GHR: variants seen among roughly 807,000 people sequenced by gnomAD.
GHR encodes the protein GH receptor.
Under a neutral mutation model 67.1 loss-of-function variants are expected in GHR, and 35 were observed. The observed-to-expected ratio is 0.52, with a 90% CI of 0.40 to 0.69. GHR has a LOEUF of 0.69. GHR is among the 30% of genes least tolerant of loss of function. GHR has a pLI of 0.00. For missense variants in GHR, 792 were observed against 764.6 expected (o/e 1.04, Z -0.42); for synonymous variants, 272 against 269.1 (o/e 1.01, Z -0.10).
intron 1 of GHR, among the ~76,000 whole-genome samples, chr5:42,476,924 C>T (rs1349161477): frequency 6.6e-6 from 1 of 152,092 alleles, no homozygotes; most frequent in South Asian, 2.1e-4. Context: ...TGTACATGTG[C>T]ACAACGTGCA....
chr5:42,618,423 A>C (rs1159800315), intron 2 of GHR, among the ~76,000 whole-genome samples: 1 of 152,166 alleles, frequency 6.6e-6, no homozygotes, highest in Non-Finnish European at 1.5e-5. Flanking sequence ...TAATTAATTT[A>C]AAAAGAGATT....
chr5:42,450,712 G>C (rs533051148), intron 1 of GHR, among the ~76,000 whole-genome samples: 1 of 151,750 alleles, frequency 6.6e-6, no homozygotes, highest in Non-Finnish European at 1.5e-5. Flanking sequence ...AGTTCCTTGA[G>C]GTGTGACCTT....
At chr5:42,657,775 A>G (rs758128370) in intron 3 of GHR, among the ~76,000 whole-genome samples, 1 of 152,298 alleles carries the variant, frequency 6.6e-6, no homozygotes, top group African/African-American at 2.4e-5. Flanking sequence ...CTACTCCAGT[A>G]TATCCTAAAA....
chr5:42,430,622 G>GTGTGTC (rs1743052557), intron 1 of GHR, among the ~76,000 whole-genome samples: 1 of 151,532 alleles, frequency 6.6e-6, no homozygotes, highest in South Asian at 2.1e-4. Context: ...GTGTGTGTGT[G>GTGTGTC]TGTGTGTGTG....
chr5:42,697,997 A>T (rs1757760114), intron 5 of GHR, among the ~76,000 whole-genome samples: 1 of 152,158 alleles, frequency 6.6e-6, no homozygotes, highest in South Asian at 2.1e-4. Context: ...TGGATTAGTG[A>T]GGAAAAGATG....
chr5:42,523,504 T>G (rs1218604703), intron 1 of GHR, among the ~76,000 whole-genome samples: 1 of 152,146 alleles, frequency 6.6e-6, no homozygotes. Context: ...ATGAGTGACG[T>G]TTGATGCTAT....
chr5:42,446,154 A>G (rs1446101125), intron 1 of GHR, among the ~76,000 whole-genome samples: 1 of 152,242 alleles, frequency 6.6e-6, no homozygotes, highest in Non-Finnish European at 1.5e-5. Context: ...CATGGACTTT[A>G]GGAGCACAAA....
At chr5:42,662,759 G>C (rs1429389258) in intron 3 of GHR, among the ~76,000 whole-genome samples, 1 of 152,126 alleles carries the variant, frequency 6.6e-6, no homozygotes, top group African/African-American at 2.4e-5. Flanking sequence ...TAAGATCAGA[G>C]CAGAACTGAA....
intron 6 of GHR, among the ~76,000 whole-genome samples, chr5:42,703,980 C>A (rs1758054895): frequency 6.6e-6 from 1 of 151,926 alleles, no homozygotes; most frequent in Non-Finnish European, 1.5e-5. Flanking sequence ...ATCATGTCAT[C>A]TGTAAGCAAG....
At chr5:42,680,920 C>T (rs901712600) in intron 3 of GHR, among the ~76,000 whole-genome samples, 27 of 152,008 alleles carry the variant, frequency 1.8e-4, no homozygotes, top group African/African-American at 6.5e-4. Context: ...CATAGGCATA[C>T]ATGTGCCATG....
intron 1 of GHR, among the ~76,000 whole-genome samples, chr5:42,519,916 T>C (rs1486146658): frequency 6.6e-6 from 1 of 152,186 alleles, no homozygotes; most frequent in South Asian, 2.1e-4. Context: ...ATTTGTTCAT[T>C]GATTTGTCCA....
At chr5:42,686,279 C>G in intron 3 of GHR, among the ~76,000 whole-genome samples, 1 of 152,142 alleles carries the variant, frequency 6.6e-6, no homozygotes, top group Admixed American at 6.5e-5. Flanking sequence ...TCTGAGGCCT[C>G]TGTTCTGTTC....
chr5:42,543,656 T>C (rs1479357881), intron 1 of GHR, among the ~76,000 whole-genome samples: 1 of 152,224 alleles, frequency 6.6e-6, no homozygotes, highest in East Asian at 1.9e-4. Context: ...AAGATTTTTC[T>C]GTATCTTGAT....
chr5:42,434,933 A>G (rs1375707357), intron 1 of GHR, among the ~76,000 whole-genome samples: 1 of 152,102 alleles, frequency 6.6e-6, no homozygotes, highest in African/African-American at 2.4e-5. Flanking sequence ...TTTGAATACA[A>G]CCCTTCTTAT....
intron 1 of GHR, among the ~76,000 whole-genome samples, chr5:42,474,313 G>GAGAA (rs1745177275): frequency 1.4e-5 from 2 of 138,456 alleles, no homozygotes; most frequent in Non-Finnish European, 1.6e-5. Flanking sequence ...AAGAAAGAAA[G>GAGAA]AAAGAAAGAA....
intron 1 of GHR, among the ~76,000 whole-genome samples, chr5:42,434,912 G>A: frequency 6.6e-6 from 1 of 152,280 alleles, no homozygotes; most frequent in Middle Eastern, 3.4e-3. Context: ...AAATCTGCTT[G>A]TCTGACCGGA....
At chr5:42,553,762 C>A (rs1749160696) in intron 1 of GHR, among the ~76,000 whole-genome samples, 1 of 152,176 alleles carries the variant, frequency 6.6e-6, no homozygotes, top group Non-Finnish European at 1.5e-5. Flanking sequence ...ATCAGCAACA[C>A]TTTGAAATAT....
chr5:42,592,452 T>C lies in GHR; in HGVS notation c.70+26508T>C, dbSNP rs146938070. On this transcript the variant is annotated intron_variant, in intron 2 of 9. Transcript: ENST00000230882. ...CCCAAGTGGGTGCCAGTGTCTATTA[T>C]TCCCTTATTTGTGTTTATGTGTACT... is the stretch of plus-strand genomic sequence containing the variant. Among the ~76,000 whole-genome samples the C allele has an allele frequency of 4.4e-3, 664 of 152,342 alleles. 4 individuals are homozygous for C. The highest frequency in any genetic ancestry group is 0.015 in the African/African-American group (642 of 41,590).
At chr5:42,712,134 G>A (rs563745262) in intron 7 of GHR, among the ~76,000 whole-genome samples, 1 of 152,110 alleles carries the variant, frequency 6.6e-6, no homozygotes, top group East Asian at 1.9e-4. Flanking sequence ...AGTTTACAGG[G>A]CTATATGTTT....
Sources: allele counts gnomAD v4.1 joint callset (sites outside exome capture counted in the v4.1 genomes callset), GRCh38; gene constraint gnomAD v4.1.1; transcripts MANE v1.5; gene names NCBI Gene and HGNC (gene_info 2026-07-23, HGNC 2026-07-21).